CACNA2D3: variants seen among roughly 807,000 people sequenced by gnomAD.
The protein encoded by CACNA2D3 is calcium voltage-gated channel auxiliary subunit alpha2delta 3, also known as voltage-dependent calcium channel subunit alpha-2/delta-3.
A neutral mutation model predicts 160.6 loss-of-function variants in CACNA2D3; 60 were observed. The ratio of observed to expected loss-of-function variants is 0.37; its 90% CI spans 0.30 to 0.46. The LOEUF is 0.46. Among genes scored for constraint, CACNA2D3 ranks in the 20% least tolerant of loss-of-function variants. CACNA2D3 has a pLI of 1.00. For synonymous variants in CACNA2D3, 558 were observed against 492.9 expected, an observed-to-expected ratio of 1.13 and a Z score of -1.75; for missense variants, 1,205 against 1,365.0, an observed-to-expected ratio of 0.88 and a Z score of 1.85.
chr3:55,000,452 C>A (rs193296749), intron 31 of CACNA2D3, among the ~76,000 whole-genome samples: 1 of 152,228 alleles, frequency 6.6e-6, no homozygotes, highest in Admixed American at 6.5e-5. Context: ...ATCTAATTCA[C>A]ATGGGGCTTA....
At chr3:54,683,613 C>T (rs1314137149) in intron 11 of CACNA2D3, among the ~76,000 whole-genome samples, 2 of 152,122 alleles carry the variant, frequency 1.3e-5, no homozygotes, top group South Asian at 4.1e-4. Flanking sequence ...GCAGGGAAAG[C>T]GACCCTCCAG....
At chr3:54,742,261 A>T (rs931041256) in intron 11 of CACNA2D3, among the ~76,000 whole-genome samples, 2 of 152,036 alleles carry the variant, frequency 1.3e-5, no homozygotes, top group Non-Finnish European at 2.9e-5. Flanking sequence ...TCTACTAAAA[A>T]TACAAAAATT....
chr3:54,376,182 G>A (rs933839415), intron 3 of CACNA2D3, among the ~76,000 whole-genome samples: 3 of 151,994 alleles, frequency 2.0e-5, no homozygotes, highest in Non-Finnish European at 4.4e-5. Flanking sequence ...CTGCCCTTTT[G>A]CACTCTTCCC....
At chr3:54,155,682 G>A (rs142495358) in intron 2 of CACNA2D3, among the ~76,000 whole-genome samples, 2 of 152,160 alleles carry the variant, frequency 1.3e-5, no homozygotes, top group African/African-American at 2.4e-5. Flanking sequence ...TCATGGTGTG[G>A]ATGTATGTTA....
At chr3:54,252,695 T>G (rs9869714) in intron 2 of CACNA2D3, among the ~76,000 whole-genome samples, 1 of 151,666 alleles carries the variant, frequency 6.6e-6, no homozygotes, top group South Asian at 2.1e-4. Flanking sequence ...TATGATATAG[T>G]TCCCCTGCCA....
intron 5 of CACNA2D3, among the ~76,000 whole-genome samples, chr3:54,549,904 G>T (rs1035930154): frequency 1.3e-5 from 2 of 152,296 alleles, no homozygotes; most frequent in Non-Finnish European, 2.9e-5. Flanking sequence ...TGGAAGGAAG[G>T]AATGTTTAAA....
At chr3:54,810,656 T>C (rs1378533951) in intron 13 of CACNA2D3, among the ~76,000 whole-genome samples, 2 of 152,184 alleles carry the variant, frequency 1.3e-5, no homozygotes, top group Admixed American at 1.3e-4. Flanking sequence ...AGGAAAATAC[T>C]TTGTTTCTTA....
intron 18 of CACNA2D3, among the ~76,000 whole-genome samples, chr3:54,874,094 C>T (rs1699605948): frequency 6.6e-6 from 1 of 152,116 alleles, no homozygotes; most frequent in Non-Finnish European, 1.5e-5. Flanking sequence ...AGGAAGTAGG[C>T]TCCTGAATTT....
At chr3:54,756,098 G>A (rs555543582) in intron 12 of CACNA2D3, among the ~76,000 whole-genome samples, 2 of 152,306 alleles carry the variant, frequency 1.3e-5, no homozygotes, top group South Asian at 4.1e-4. Flanking sequence ...GGATTTATAA[G>A]TTCTGAGTAC....
At chr3:54,716,885 AG>A (rs1701060637) in intron 11 of CACNA2D3, among the ~76,000 whole-genome samples, 2 of 149,352 alleles carry the variant, frequency 1.3e-5, no homozygotes, top group Admixed American at 1.4e-4. Flanking sequence ...GCATGTGATA[AG>A]GGACGCAAAA....
chr3:54,447,646 GACTGC>G (rs770897041), intron 4 of CACNA2D3, among the ~76,000 whole-genome samples: 22 of 152,212 alleles, frequency 1.4e-4, no homozygotes, highest in Non-Finnish European at 2.8e-4. Context: ...TTCAGGCAGG[GACTGC>G]TTGGTTCTGT....
At chr3:54,763,770 T>TGC (rs72207660) in intron 12 of CACNA2D3, among the ~76,000 whole-genome samples, 627 of 2,566 alleles carry the variant, frequency 0.24, 91 homozygotes, top group South Asian at 0.62. Flanking sequence ...CATATATATG[T>TGC]ATATATGTAC....
chr3:54,811,760 C>G (rs999759829), intron 13 of CACNA2D3, among the ~76,000 whole-genome samples: 6 of 152,118 alleles, frequency 3.9e-5, no homozygotes, highest in Non-Finnish European at 8.8e-5. Context: ...CTCGGCCTCC[C>G]AAAGTGCTGG....
intron 3 of CACNA2D3, among the ~76,000 whole-genome samples, chr3:54,333,789 C>G (rs1229447978): frequency 6.6e-6 from 1 of 152,228 alleles, no homozygotes; most frequent in Non-Finnish European, 1.5e-5. Flanking sequence ...GAATCTCCCC[C>G]AACATTTGGA....
intron 27 of CACNA2D3, among the ~76,000 whole-genome samples, chr3:54,961,615 C>T (rs1559646230): frequency 2.0e-5 from 3 of 152,102 alleles, no homozygotes; most frequent in Non-Finnish European, 4.4e-5. Flanking sequence ...TGCAATTGTC[C>T]AGCAGTAGCC....
At chr3:54,737,096 G>A (rs899703240) in intron 11 of CACNA2D3, among the ~76,000 whole-genome samples, 1 of 151,796 alleles carries the variant, frequency 6.6e-6, no homozygotes, top group African/African-American at 2.4e-5. Flanking sequence ...TTCATTTTTG[G>A]GGTATTTGCT....
intron 35 of CACNA2D3, among the ~76,000 whole-genome samples, chr3:55,022,778 C>T (rs930746437): frequency 7.3e-5 from 11 of 150,662 alleles, no homozygotes; most frequent in South Asian, 4.2e-4. Context: ...TGCCTTTTTA[C>T]GATGTTTCAA....
At chr3:54,707,406 C>A (rs1700876803) in intron 11 of CACNA2D3, among the ~76,000 whole-genome samples, 1 of 152,090 alleles carries the variant, frequency 6.6e-6, no homozygotes, top group Admixed American at 6.6e-5. Flanking sequence ...ATTATTCAAC[C>A]CTGGCTCATC....
Position 54,460,703 on chromosome 3 carries a change from C to A in CACNA2D3, c.382-42789C>A, listed in dbSNP as rs200006489. ...GAGGCAATGGGGTTTTCTAGATATA[C>A]AATCATGTCATCTGCAAACAGGGAC... On this transcript the variant is annotated intron_variant, in intron 4 of 37. Coordinates refer to ENST00000474759, the MANE Select transcript of CACNA2D3 (RefSeq NM_018398.3). Among the ~76,000 whole-genome samples the A allele has an allele frequency of 4.6e-5, 7 of 152,264 alleles. No individual in the cohort carries two copies. The East Asian group carries it at 9.7e-4, about 21-fold the overall frequency.
Sources: allele counts gnomAD v4.1 joint callset (sites outside exome capture counted in the v4.1 genomes callset), GRCh38; gene constraint gnomAD v4.1.1; transcripts MANE v1.5; gene names NCBI Gene and HGNC (gene_info 2026-07-23, HGNC 2026-07-21).